The following GAS7 variants were observed in gnomAD, a reference collection of about 807,000 sequenced individuals.
The protein encoded by GAS7 is growth arrest specific 7, also known as growth arrest-specific protein 7.
A neutral mutation model predicts 71.1 loss-of-function variants in GAS7; 28 were observed. The observed-to-expected ratio is 0.39, with a 90% confidence interval of 0.29 to 0.54. GAS7 has a LOEUF of 0.54. Among genes scored for constraint, GAS7 ranks in the 20% least tolerant of loss-of-function variants. The pLI is 0.62. For missense variants in GAS7, 436 were observed against 627.8 expected (o/e 0.69, Z 3.27); for synonymous variants, 258 against 245.8 (o/e 1.05, Z -0.46).
intron 1 of GAS7, among the ~76,000 whole-genome samples, chr17:10,146,319 C>T (rs1444653322): frequency 6.6e-6 from 1 of 152,192 alleles, no homozygotes; most frequent in Non-Finnish European, 1.5e-5. Context: ...CGGGGCAACC[C>T]TAGAAAAGAT....
At chr17:10,125,399 C>T (rs2073936513) in intron 1 of GAS7, among the ~76,000 whole-genome samples, 1 of 151,862 alleles carries the variant, frequency 6.6e-6, no homozygotes, top group Admixed American at 6.6e-5. Context: ...CACCTGTAAT[C>T]CCAGCTACTC....
rs75896471 is a variant in GAS7, at chr17:9,941,748, C to T, written c.731+1373G>A. ...TGCCTATTTTATACCATTGTTTTCT[C>T]AAACCCGAGCTGTGCAACCTCTCCG... On this transcript the variant is annotated intron_variant, in intron 7 of 13. Coordinates refer to ENST00000432992, the MANE Select transcript of GAS7 (RefSeq NM_201433.2). Among the ~76,000 whole-genome samples the T allele has an allele frequency of 8.3e-3, 1,268 of 152,322 alleles. 15 individuals are homozygous for T. The highest frequency in any genetic ancestry group is 0.029 in the African/African-American group (1,192 of 41,556).
intron 2 of GAS7, among the ~76,000 whole-genome samples, chr17:9,996,583 CTATA>C (rs746293713): frequency 8.6e-5 from 11 of 128,020 alleles, no homozygotes; most frequent in African/African-American, 2.4e-4. Context: ...AAAAAAAAGA[CTATA>C]TATATATGTG....
chr17:9,978,349 T>G lies in GAS7; in HGVS notation c.385+3455A>C, dbSNP rs2070287107. On this transcript the variant is annotated intron_variant, in intron 3 of 13. Coordinates refer to ENST00000432992, the MANE Select transcript of GAS7 (RefSeq NM_201433.2). ...ATGCCCAAGGCCCCAGTTTAACATTTGTAATTTCACAAATCTAGGATGCCA... is the reference window on the plus strand; with the variant it reads ...ATGCCCAAGGCCCCAGTTTAACATTGGTAATTTCACAAATCTAGGATGCCA... 2.0e-5 allele frequency among the ~76,000 whole-genome samples: 3 copies of G among 149,968 alleles called. No homozygotes were observed. The South Asian group carries it at 6.5e-4, about 33-fold the overall frequency.
At chr17:10,016,657 T>C (rs1174602441) in intron 2 of GAS7, among the ~76,000 whole-genome samples, 1 of 145,066 alleles carries the variant, frequency 6.9e-6, no homozygotes, top group East Asian at 2.0e-4. Context: ...AGGCATAGTG[T>C]AATCCCAACA....
intron 1 of GAS7, among the ~76,000 whole-genome samples, chr17:10,086,811 T>C (rs1421643063): frequency 6.6e-6 from 1 of 152,100 alleles, no homozygotes; most frequent in Non-Finnish European, 1.5e-5. Flanking sequence ...GGAAGAGACA[T>C]TACTTAGCCA....
At chr17:9,951,701 G>A (rs146824525) in intron 5 of GAS7, among the ~76,000 whole-genome samples, 3,204 of 138,066 alleles carry the variant, frequency 0.023, 108 homozygotes, top group African/African-American at 0.077. Flanking sequence ...CGGTTGCGGT[G>A]AGCCAAGATT....
chr17:9,923,539 G>A (rs1048476075), intron 11 of GAS7, among the ~76,000 whole-genome samples: 1 of 152,132 alleles, frequency 6.6e-6, no homozygotes, highest in Non-Finnish European at 1.5e-5. Context: ...GTACAACAAT[G>A]ATTTATATGT....
In GAS7 at chr17:9,959,693, G is replaced by T. The variant is rs1037998318; in HGVS notation, c.472-438C>A. ...ACGACATTTTATTCTGAAACCCCCCGGGTCCAAAACGTCAAACCTAAATAC... is the reference window on the plus strand; with the variant it reads ...ACGACATTTTATTCTGAAACCCCCCTGGTCCAAAACGTCAAACCTAAATAC... On this transcript the variant is annotated intron_variant, in intron 4 of 13. Transcript: ENST00000432992. The surrounding 1 kb of genome is among the most constrained non-coding windows in gnomAD (Gnocchi z 5.0). Among the ~76,000 whole-genome samples the T allele has an allele frequency of 6.6e-6, 1 of 152,230 alleles. No individual in the cohort carries two copies. Among genetic ancestry groups the T allele is most frequent in the South Asian group, 2.1e-4 (1 of 4,814 alleles).
intron 1 of GAS7, among the ~76,000 whole-genome samples, chr17:10,112,226 G>C (rs188720828): frequency 6.6e-6 from 1 of 152,182 alleles, no homozygotes; most frequent in Non-Finnish European, 1.5e-5. Context: ...ATGCATCCTC[G>C]AGCACGTGAC....
At chr17:10,057,911 T>C (rs1161744414) in intron 1 of GAS7, among the ~76,000 whole-genome samples, 1 of 152,266 alleles carries the variant, frequency 6.6e-6, no homozygotes, top group Non-Finnish European at 1.5e-5. Flanking sequence ...TAAGAAAAAT[T>C]CTTCTGCCTT....
At position 10,019,811 on chromosome 17, in the gene GAS7, C is replaced by T. The variant is rs776041705; in HGVS notation, c.270G>A (p.Gln90=). 8 of 1,614,102 alleles carry T rather than the reference C, an allele frequency of 5.0e-6. No homozygotes were observed. The highest frequency in any genetic ancestry group is 5.1e-6 in the Non-Finnish European group (6 of 1,179,968). ...TCGTGTTGACATAGTACCGCCGGCC[C>T]TGAGGCGACAGGTAGCTCTGCCAGC... ...PPGWQSYLSP[Q]GRRYYVNTTT... is the part of the protein sequence containing the mutation. Residue 90 remains glutamine, a synonymous_variant, in exon 2 of 14, where the codon CAG becomes CAA. Transcript: ENST00000432992.
rs1305853721 is a variant in GAS7 at position 10,026,546 on chromosome 17, G to C, written c.184-6649C>G. On this transcript the variant is annotated intron_variant, in intron 1 of 13. Transcript: ENST00000432992. This position sits in a 1 kb window ranked among gnomAD's most constrained non-coding sequence, Gnocchi z 4.5. ...CCCAGAAGCAGCCAGGGCATGGCTG[G>C]GCACGCCTGGGAAGGTTGAGTCCCG... Among the ~76,000 whole-genome samples the C allele has an allele frequency of 6.6e-6, 1 of 152,176 alleles. No homozygotes were observed. Among genetic ancestry groups the C allele is most frequent in the African/African-American group, 2.4e-5 (1 of 41,444 alleles).
At chr17:10,056,471 G>A (rs925365957) in intron 1 of GAS7, among the ~76,000 whole-genome samples, 6 of 151,912 alleles carry the variant, frequency 3.9e-5, no homozygotes, top group African/African-American at 1.2e-4. Flanking sequence ...CTTCAGGCTG[G>A]GGAACAGAGT....
intron 1 of GAS7, among the ~76,000 whole-genome samples, chr17:10,164,860 A>AAG (rs1206108660): frequency 6.7e-6 from 1 of 149,912 alleles, no homozygotes; most frequent in East Asian, 2.0e-4. Context: ...AAAAAAAAAA[A>AAG]AAAAAAGGCT....
At chr17:10,198,155 G>C in intron 1 of GAS7, 53 bp downstream of exon 1, 1 of 1,535,758 alleles carries the variant, frequency 6.5e-7, no homozygotes, top group Non-Finnish European at 8.9e-7. Flanking sequence ...AGGTACGCGA[G>C]CGCACCGAGG....
intron 1 of GAS7, among the ~76,000 whole-genome samples, chr17:10,142,742 C>T (rs1380791065): frequency 2.0e-5 from 3 of 152,174 alleles, no homozygotes; most frequent in Admixed American, 6.5e-5. Context: ...GAGGTATCCC[C>T]AATATATTTC....
chr17:10,042,430 C>T lies in GAS7; in HGVS notation c.184-22533G>A, dbSNP rs116822427. 8.9e-3 allele frequency among the ~76,000 whole-genome samples: 1,347 copies of T among 152,104 alleles called. 21 individuals are homozygous for T. Among genetic ancestry groups the T allele is most frequent in the African/African-American group, 0.03 (1,260 of 41,486 alleles). ...CCAAGCAGTCTCTAGGGTACAGGGT[C>T]TCAGGGACGCCCCCTTCCTCCATAC... is the stretch of plus-strand genomic sequence containing the variant. On this transcript the variant is annotated intron_variant, in intron 1 of 13. Transcript: ENST00000432992.
At chr17:10,019,402 T>G (rs1044178179) in intron 2 of GAS7, among the ~76,000 whole-genome samples, 1 of 152,284 alleles carries the variant, frequency 6.6e-6, no homozygotes, top group Admixed American at 6.5e-5. Flanking sequence ...CATCATGCAG[T>G]GACTTTGCCT....
Sources: gnomAD v4.1 joint callset for allele counts (sites outside exome capture counted in the v4.1 genomes callset) on GRCh38, gnomAD v4.1.1 for gene constraint, Gnocchi (gnomAD v3.1) non-coding constraint, MANE v1.5 for transcripts, NCBI Gene and HGNC (gene_info 2026-07-23, HGNC 2026-07-21) for gene names.